The following LRRC28 variants were observed in gnomAD, a reference collection of about 807,000 sequenced individuals.
LRRC28 encodes the protein leucine-rich repeat-containing protein 28.
Under a neutral mutation model 45.7 loss-of-function variants are expected in LRRC28, and 39 were observed. The ratio of observed to expected loss-of-function variants is 0.85; its 90% CI spans 0.66 to 1.12. The LOEUF (loss-of-function observed/expected upper bound fraction) is 1.12. LRRC28 is among the 50% of genes most tolerant of loss of function. The pLI is 0.00. For synonymous variants in LRRC28, 206 were observed against 178.8 expected (o/e 1.15, Z -1.22); for missense variants, 435 against 438.5 (o/e 0.99, Z 0.07).
intron 9 of LRRC28, among the ~76,000 whole-genome samples, chr15:99,383,302 G>T (rs192130238): frequency 1.3e-5 from 2 of 152,184 alleles, no homozygotes; most frequent in South Asian, 2.1e-4. Context: ...GGGCAATAAG[G>T]TACCCAGGGA....
At chr15:99,335,810 C>G (rs949014691) in intron 6 of LRRC28, among the ~76,000 whole-genome samples, 8 of 152,050 alleles carry the variant, frequency 5.3e-5, no homozygotes, top group Admixed American at 1.3e-4. Context: ...CAGGATGTTG[C>G]AGTCAGTGCT....
intron 5 of LRRC28, among the ~76,000 whole-genome samples, chr15:99,326,152 T>C (rs1337648307): frequency 6.6e-6 from 1 of 152,116 alleles, no homozygotes; most frequent in Non-Finnish European, 1.5e-5. Flanking sequence ...TACAGTGGTG[T>C]TCCCAGATTT....
intron 8 of LRRC28, 123 bp from the exon 9 acceptor site, chr15:99,362,983 A>G: frequency 9.1e-7 from 1 of 1,094,972 alleles, no homozygotes; most frequent in Non-Finnish European, 1.3e-6. Context: ...ATCAGATAAC[A>G]GAATTTTCAA....
At chr15:99,319,559 G>A (rs928184082) in intron 5 of LRRC28, among the ~76,000 whole-genome samples, 2 of 151,960 alleles carry the variant, frequency 1.3e-5, no homozygotes, top group Admixed American at 6.6e-5. Context: ...AGATACCAGC[G>A]AACACCTGGG....
In LRRC28 at chr15:99,312,567, T is replaced by C. The variant is rs2152267072; in HGVS notation, c.386-21356T>C. On this transcript the variant is annotated intron_variant, in intron 5 of 9. Transcript: ENST00000301981. ...GGAGTACACTCTAAAATAAAAAGTA[T>C]AGTCTAATTAATAAACCAGTAACAG... Among the ~76,000 whole-genome samples the C allele has an allele frequency of 1.3e-5, 2 of 152,324 alleles. 1 individual carries two copies. Among genetic ancestry groups the C allele is most frequent in the South Asian group, 4.1e-4 (2 of 4,826 alleles).
Position 99,361,225 on chromosome 15 carries a change from A to G in LRRC28, c.696-111A>G, listed in dbSNP as rs1048561074. Reference sequence around the variant, plus strand: ...GTTCACTTTGAAAAGAATTCTGGCAATTCAGCAGTGTCATAAATTTTCAAA... The same window carrying G: ...GTTCACTTTGAAAAGAATTCTGGCAGTTCAGCAGTGTCATAAATTTTCAAA... On this transcript the variant is annotated intron_variant, in intron 7 of 9. Coordinates refer to ENST00000301981, the MANE Select transcript of LRRC28 (RefSeq NM_144598.5). 6.2e-6 allele frequency: 8 copies of G among 1,293,616 alleles called. 1 individual carries two copies. The Admixed American group carries it at 1.6e-4, about 26-fold the overall frequency. The allele number at this position is 1,293,616 out of a possible 1,614,324, so 80.1% of individuals were successfully genotyped here.
At chr15:99,265,966 A>G (rs1191561612) in intron 2 of LRRC28, among the ~76,000 whole-genome samples, 1 of 152,194 alleles carries the variant, frequency 6.6e-6, no homozygotes, top group Admixed American at 6.5e-5. Flanking sequence ...AGCTCTCACT[A>G]CTTGCTAATT....
intron 2 of LRRC28, chr15:99,258,489 G>A (rs1483703670): frequency 5.2e-6 from 4 of 772,004 alleles, no homozygotes; most frequent in Non-Finnish European, 9.3e-6. Context: ...AAACTGTTAA[G>A]GAGCCATGAA....
intron 2 of LRRC28, among the ~76,000 whole-genome samples, chr15:99,275,158 A>G (rs759189525): frequency 8.5e-5 from 13 of 152,228 alleles, no homozygotes; most frequent in Non-Finnish European, 1.8e-4. Flanking sequence ...GTGTGTGCGT[A>G]TGCAGACTGG....
Position 99,388,488 on chromosome 15 carries a change from C to G in LRRC28, c.*2386C>G, listed in dbSNP as rs1958095329. 6.6e-6 allele frequency: 1 copy of G among 152,230 alleles called. No homozygotes were observed. Among genetic ancestry groups the G allele is most frequent in the Admixed American group, 6.5e-5 (1 of 15,288 alleles). The allele number at this position is 152,230 out of a possible 1,614,324, so 9.4% of individuals were successfully genotyped here. A position where few individuals can be genotyped will look rare whatever the true frequency, so the allele number is the denominator to read the frequency against. ...CAGTCTCAACCTTAATCCTTGGGTA[C>G]AGCACCTGAACTTAATTGATGAGAA... On this transcript the variant is annotated 3_prime_UTR_variant, in exon 10 of 10. Transcript: ENST00000301981.
intron 9 of LRRC28, among the ~76,000 whole-genome samples, chr15:99,380,739 A>C (rs1283983884): frequency 6.6e-6 from 1 of 152,170 alleles, no homozygotes; most frequent in Non-Finnish European, 1.5e-5. Flanking sequence ...GTGGTGACAA[A>C]ATCTCTCAGC....
chr15:99,359,073 T>TA (rs568444032), intron 7 of LRRC28, among the ~76,000 whole-genome samples: 3,632 of 144,924 alleles, frequency 0.025, 81 homozygotes, highest in African/African-American at 0.064. Context: ...GGCTCTGTCT[T>TA]AAAAAAAAAA....
In LRRC28 at chr15:99,373,363, T is replaced by A. The variant is rs193041180; in HGVS notation, c.1031+10098T>A. On this transcript the variant is annotated intron_variant, in intron 9 of 9. Coordinates refer to ENST00000301981, the MANE Select transcript of LRRC28 (RefSeq NM_144598.5). ...TAGGGTTCTAACCAACTTCATTTTTTAAAAAAAATTATTTTTAAAATTTTT... is the reference window on the plus strand; with the variant it reads ...TAGGGTTCTAACCAACTTCATTTTTAAAAAAAAATTATTTTTAAAATTTTT... Among the ~76,000 whole-genome samples the A allele has an allele frequency of 8.5e-5, 13 of 152,124 alleles. 1 individual carries two copies. The East Asian group carries it at 1.2e-3, about 14-fold the overall frequency.
rs1408735294 is a variant in LRRC28 at position 99,386,243 on chromosome 15, A to C, written c.*141A>C. 7 of 674,084 alleles carry C rather than the reference A, an allele frequency of 1.0e-5. No homozygotes were observed. In the African/African-American group the frequency reaches 1.2e-4, roughly 12 times the overall value. 41.8% of individuals were successfully genotyped at this position (674,084 alleles called of 1,614,324 possible). ...AATGTCATGATTGAGCTTCAGAGCT[A>C]AAATGCCTTCACCCTTCCCCCAAGT... On this transcript the variant is annotated 3_prime_UTR_variant, in exon 10 of 10. Coordinates refer to ENST00000301981, the MANE Select transcript of LRRC28 (RefSeq NM_144598.5).
chr15:99,379,993 G>A (rs1957768113), intron 9 of LRRC28, among the ~76,000 whole-genome samples: 1 of 152,194 alleles, frequency 6.6e-6, no homozygotes, highest in Non-Finnish European at 1.5e-5. Flanking sequence ...AGTGTGATGT[G>A]GTGCTGAGAA....
chr15:99,381,121 G>A (rs889367215), intron 9 of LRRC28, among the ~76,000 whole-genome samples: 10 of 152,184 alleles, frequency 6.6e-5, no homozygotes, highest in Admixed American at 1.3e-4. Flanking sequence ...ATATCCTGCA[G>A]AGTGTTTTTC....
intron 2 of LRRC28, among the ~76,000 whole-genome samples, chr15:99,270,795 G>A (rs567056297): frequency 5.9e-5 from 9 of 152,272 alleles, no homozygotes; most frequent in Non-Finnish European, 8.8e-5. Context: ...AAATAAGAGC[G>A]GAATTACAGG....
intron 3 of LRRC28, among the ~76,000 whole-genome samples, chr15:99,277,812 C>T (rs1315538820): frequency 1.3e-5 from 2 of 152,214 alleles, no homozygotes; most frequent in African/African-American, 4.8e-5. Context: ...TTTCTAGGAA[C>T]AAAGATGTCT....
At chr15:99,366,334 C>G (rs1957339645) in intron 9 of LRRC28, among the ~76,000 whole-genome samples, 2 of 152,154 alleles carry the variant, frequency 1.3e-5, no homozygotes, top group African/African-American at 4.8e-5. Context: ...CACAAGTTTT[C>G]TCTTTTTATA....
Sources: gnomAD v4.1 joint callset for allele counts (sites outside exome capture counted in the v4.1 genomes callset) on GRCh38, gnomAD v4.1.1 for gene constraint, MANE v1.5 for transcripts, NCBI Gene and HGNC (gene_info 2026-07-23, HGNC 2026-07-21) for gene names.